Variants in UST observed in about 807,000 individuals in gnomAD.
The protein encoded by UST is chondroitin sulfate 2-O-sulfotransferase.
In UST, 21 loss-of-function variants were observed where a neutral mutation model predicts 45.6. That is an observed-to-expected ratio of 0.46 (90% CI 0.33 to 0.66). The LOEUF (loss-of-function observed/expected upper bound fraction) is 0.66. UST is among the 30% of genes least tolerant of loss of function. The probability of loss-of-function intolerance (pLI) is 0.02; values close to 1 mark genes in which losing one functional copy is unlikely to be tolerated. For synonymous variants in UST, 215 were observed against 200.6 expected, an observed-to-expected ratio of 1.07 and a Z score of -0.61; for missense variants, 463 against 512.4, an observed-to-expected ratio of 0.90 and a Z score of 0.93.
intron 7 of UST, among the ~76,000 whole-genome samples, chr6:149,052,990 A>G (rs1404371677): frequency 1.3e-5 from 2 of 152,224 alleles, no homozygotes; most frequent in Admixed American, 6.5e-5. Flanking sequence ...TTATTTTTCT[A>G]AAATAGCAAA....
chr6:149,041,876 A>G (rs77797248), intron 7 of UST, among the ~76,000 whole-genome samples: 2,642 of 152,294 alleles, frequency 0.017, 60 homozygotes, highest in African/African-American at 0.051. Flanking sequence ...CGAGGACCCT[A>G]ATAGATCATT....
chr6:148,781,163 C>T (rs1373220388), intron 1 of UST, among the ~76,000 whole-genome samples: 2 of 152,028 alleles, frequency 1.3e-5, no homozygotes, highest in Admixed American at 6.6e-5. Flanking sequence ...TGAAATAGAC[C>T]GAAAGCTGAG....
At chr6:148,948,378 C>A (rs1164254912) in intron 3 of UST, among the ~76,000 whole-genome samples, 1 of 152,200 alleles carries the variant, frequency 6.6e-6, no homozygotes, top group Non-Finnish European at 1.5e-5. Flanking sequence ...CCTCTGCTGA[C>A]AAATATTTGC....
At chr6:149,045,616 G>A (rs1396423942) in intron 7 of UST, among the ~76,000 whole-genome samples, 2 of 152,100 alleles carry the variant, frequency 1.3e-5, no homozygotes, top group African/African-American at 4.8e-5. Flanking sequence ...GTGACTGGAA[G>A]GTGCCAGGAA....
chr6:149,032,337 G>A (rs1379990417), intron 7 of UST, among the ~76,000 whole-genome samples: 6 of 152,096 alleles, frequency 3.9e-5, no homozygotes, highest in East Asian at 1.9e-4. Context: ...CCTCCCTGCT[G>A]TCTTCCCAGT....
At chr6:148,762,752 C>T (rs1467529998) in intron 1 of UST, among the ~76,000 whole-genome samples, 1 of 150,066 alleles carries the variant, frequency 6.7e-6, no homozygotes. Flanking sequence ...CCATGTGTAC[C>T]CATTGTTTAG....
intron 3 of UST, among the ~76,000 whole-genome samples, chr6:148,948,352 G>A (rs554429672): frequency 1.3e-5 from 2 of 152,362 alleles, no homozygotes; most frequent in South Asian, 2.1e-4. Flanking sequence ...TATGAACCAC[G>A]TAGGGTTAGA....
intron 1 of UST, among the ~76,000 whole-genome samples, chr6:148,763,880 G>A (rs1776269342): frequency 6.6e-6 from 1 of 152,154 alleles, no homozygotes. Context: ...CCAGTACCAT[G>A]CTGTTTTGGT....
At chr6:148,750,873 A>G (rs1775976911) in intron 1 of UST, among the ~76,000 whole-genome samples, 1 of 152,204 alleles carries the variant, frequency 6.6e-6, no homozygotes, top group African/African-American at 2.4e-5. Flanking sequence ...TCGGACTCGC[A>G]TCTTCCGGGC....
intron 1 of UST, among the ~76,000 whole-genome samples, chr6:148,752,145 A>G (rs750137920): frequency 6.6e-6 from 1 of 152,252 alleles, no homozygotes; most frequent in Non-Finnish European, 1.5e-5. Context: ...CTGGCAATTT[A>G]GAGTCAAAAA....
intron 5 of UST, among the ~76,000 whole-genome samples, chr6:148,977,628 A>T (rs1020262126): frequency 2.0e-5 from 3 of 151,834 alleles, no homozygotes; most frequent in East Asian, 1.9e-4. Context: ...GGCGGGTGCC[A>T]GTAGTCCCAG....
In UST at chr6:148,916,212, C is replaced by T. The variant is rs188427856; in HGVS notation, c.292-25067C>T. On this transcript the variant is annotated intron_variant, in intron 2 of 7. Transcript: ENST00000367463. ...TAAACATCACAGGCCATAATATTGGCGTTATTACTAGCCATTTTACGGATG... is the reference window on the plus strand; with the variant it reads ...TAAACATCACAGGCCATAATATTGGTGTTATTACTAGCCATTTTACGGATG... Among the ~76,000 whole-genome samples, 55 of 152,148 alleles carry T rather than the reference C, an allele frequency of 3.6e-4. No individual in the cohort carries two copies. In the East Asian group the frequency reaches 8.9e-3, roughly 25 times the overall value.
intron 1 of UST, among the ~76,000 whole-genome samples, chr6:148,754,909 G>T (rs1489018435): frequency 3.3e-5 from 5 of 152,100 alleles, no homozygotes; most frequent in Non-Finnish European, 7.4e-5. Flanking sequence ...AATCCTGGGG[G>T]TCTTGTTTTA....
At chr6:148,866,378 G>A (rs906984896) in intron 1 of UST, among the ~76,000 whole-genome samples, 16 of 152,118 alleles carry the variant, frequency 1.1e-4, no homozygotes, top group African/African-American at 2.9e-4. Flanking sequence ...ACTATGGGCT[G>A]TGGAAACCGG....
intron 1 of UST, among the ~76,000 whole-genome samples, chr6:148,786,453 C>A (rs1394764437): frequency 1.3e-5 from 2 of 152,120 alleles, no homozygotes; most frequent in East Asian, 1.9e-4. Flanking sequence ...GTGTTCTCAT[C>A]ATTTAGCTCT....
rs538470617 is a variant in UST, at chr6:148,881,016, C to A, written c.248-5970C>A. ...TGCACTCCAGCCTGGGTGACAGAAC[C>A]AGACTCCGTCTAAAAAAAAAAAAAA... On this transcript the variant is annotated intron_variant, in intron 1 of 7. Transcript: ENST00000367463. Among the ~76,000 whole-genome samples the A allele has an allele frequency of 4.0e-5, 6 of 150,682 alleles. No homozygotes were observed. The East Asian group carries it at 1.2e-3, about 29-fold the overall frequency.
chr6:148,901,038 C>T (rs1268554078), intron 2 of UST, among the ~76,000 whole-genome samples: 1 of 152,184 alleles, frequency 6.6e-6, no homozygotes, highest in Non-Finnish European at 1.5e-5. Context: ...AATCCAGGAT[C>T]CTCTCCTCAG....
intron 1 of UST, among the ~76,000 whole-genome samples, chr6:148,804,627 T>C (rs1777113740): frequency 6.6e-6 from 1 of 152,218 alleles, no homozygotes. Context: ...GCTGGAATTT[T>C]ATCATTTGTT....
chr6:149,019,744 A>T (rs1231231827), intron 6 of UST, among the ~76,000 whole-genome samples: 2 of 152,306 alleles, frequency 1.3e-5, no homozygotes. Context: ...GTGTTTTATA[A>T]TGATCACCTG....
Sources: allele counts gnomAD v4.1 joint callset (sites outside exome capture counted in the v4.1 genomes callset), GRCh38; gene constraint gnomAD v4.1.1; transcripts MANE v1.5; gene names NCBI Gene and HGNC (gene_info 2026-07-23, HGNC 2026-07-21).